Variants in OXR1 observed in about 807,000 individuals in gnomAD.
The protein encoded by OXR1 is oxidation resistance protein 1.
OXR1 carries 41 observed loss-of-function variants against 104.6 expected under a neutral mutation model. The ratio of observed to expected loss-of-function variants is 0.39; its 90% CI spans 0.31 to 0.51. OXR1 has a LOEUF of 0.51. OXR1 is among the 20% of genes least tolerant of loss of function. The pLI is 0.77. For synonymous variants in OXR1, 348 were observed against 348.4 expected (o/e 1.00, Z 0.01); for missense variants, 955 against 1,031.9 (o/e 0.93, Z 1.02).
chr8:106,492,550 T>C (rs1471794509), intron 2 of OXR1, among the ~76,000 whole-genome samples: 2 of 152,196 alleles, frequency 1.3e-5, no homozygotes, highest in African/African-American at 4.8e-5. Context: ...TAGGAGCTAC[T>C]TGAAGGTCAC....
intron 3 of OXR1, among the ~76,000 whole-genome samples, chr8:106,595,502 A>G (rs1819448757): frequency 6.7e-6 from 1 of 148,550 alleles, no homozygotes; most frequent in Non-Finnish European, 1.5e-5. Context: ...GTGAGCTGAG[A>G]CTGCACCACT....
chr8:106,651,898 G>A (rs537400578), intron 3 of OXR1, among the ~76,000 whole-genome samples: 11 of 152,066 alleles, frequency 7.2e-5, no homozygotes, highest in Admixed American at 6.5e-4. Flanking sequence ...TATATGGGAT[G>A]TCTTTCCATT....
intron 3 of OXR1, among the ~76,000 whole-genome samples, chr8:106,547,781 T>G (rs749461345): frequency 6.6e-6 from 1 of 152,112 alleles, no homozygotes; most frequent in Non-Finnish European, 1.5e-5. Context: ...GGGATTACGG[T>G]TGTGAGCCAC....
chr8:106,568,156 C>A (rs1817215521), intron 3 of OXR1, among the ~76,000 whole-genome samples: 1 of 152,124 alleles, frequency 6.6e-6, no homozygotes, highest in South Asian at 2.1e-4. Flanking sequence ...AAGGAAGACT[C>A]ATTTCAGACT....
chr8:106,334,467 T>C (rs1310381476), intron 1 of OXR1, among the ~76,000 whole-genome samples: 1 of 152,232 alleles, frequency 6.6e-6, no homozygotes, highest in East Asian at 1.9e-4. Context: ...GCCTCCAGAA[T>C]AGAAGTGGTT....
intron 1 of OXR1, among the ~76,000 whole-genome samples, chr8:106,317,488 A>G (rs1170660277): frequency 6.6e-6 from 1 of 152,208 alleles, no homozygotes; most frequent in Non-Finnish European, 1.5e-5. Flanking sequence ...GTATGAGCCC[A>G]TTACTTTGTT....
intron 1 of OXR1, among the ~76,000 whole-genome samples, chr8:106,283,386 G>A (rs1251138489): frequency 6.6e-6 from 1 of 152,138 alleles, no homozygotes; most frequent in Non-Finnish European, 1.5e-5. Context: ...AATCTGTTGG[G>A]TTCAACCTCA....
chr8:106,395,720 C>T lies in OXR1; in HGVS notation c.23+36084C>T, dbSNP rs77337207. On this transcript the variant is annotated intron_variant, in intron 2 of 16. Transcript: ENST00000517566. ...TACATCTATTTCCTAGGTCTGTCTA[C>T]CAAGAGGGCCAAGAAGCAATGATAC... Among the ~76,000 whole-genome samples the T allele has an allele frequency of 7.0e-3, 1,062 of 152,100 alleles. 13 individuals carry two copies. The highest frequency in any genetic ancestry group is 0.023 in the African/African-American group (968 of 41,494).
intron 2 of OXR1, among the ~76,000 whole-genome samples, chr8:106,485,330 T>C (rs1007542511): frequency 1.3e-5 from 2 of 152,132 alleles, no homozygotes; most frequent in African/African-American, 2.4e-5. Flanking sequence ...TGCATTATTA[T>C]GATGTGTTAG....
intron 3 of OXR1, among the ~76,000 whole-genome samples, chr8:106,586,353 C>T (rs1586851655): frequency 6.6e-6 from 1 of 152,274 alleles, no homozygotes; most frequent in East Asian, 1.9e-4. Flanking sequence ...ACAAACAAAG[C>T]AGTCATGTAT....
intron 2 of OXR1, among the ~76,000 whole-genome samples, chr8:106,473,835 A>G (rs1445817287): frequency 1.3e-5 from 2 of 148,446 alleles, no homozygotes; most frequent in African/African-American, 4.9e-5. Flanking sequence ...ATTTTCTTTC[A>G]TATTCTGTCT....
chr8:106,517,256 G>A (rs1812918305), intron 2 of OXR1, among the ~76,000 whole-genome samples: 1 of 152,124 alleles, frequency 6.6e-6, no homozygotes, highest in Non-Finnish European at 1.5e-5. Flanking sequence ...TACTGCTTGT[G>A]TTTGGACTTA....
chr8:106,488,904 C>T (rs569768420), intron 2 of OXR1, among the ~76,000 whole-genome samples: 3 of 151,752 alleles, frequency 2.0e-5, no homozygotes, highest in South Asian at 2.1e-4. Flanking sequence ...CTTGGGGATG[C>T]GGGCTCTTTT....
chr8:106,656,026 A>T (rs1341101310), intron 3 of OXR1: 2 of 152,202 alleles, frequency 1.3e-5, no homozygotes, highest in African/African-American at 4.8e-5. Context: ...AATTTTTAGA[A>T]GATGTAAAAC....
At chr8:106,313,407 G>A (rs2130141650) in intron 1 of OXR1, among the ~76,000 whole-genome samples, 1 of 152,256 alleles carries the variant, frequency 6.6e-6, no homozygotes, top group African/African-American at 2.4e-5. Context: ...CTGTCCTGTA[G>A]TAGATTTTAG....
intron 6 of OXR1, among the ~76,000 whole-genome samples, chr8:106,689,194 G>A (rs1057376454): frequency 1.1e-4 from 17 of 152,038 alleles, no homozygotes; most frequent in Admixed American, 9.2e-4. Context: ...TTGTAGAGGA[G>A]AATCATTTCT....
intron 2 of OXR1, among the ~76,000 whole-genome samples, chr8:106,517,907 G>C (rs962579387): frequency 6.6e-6 from 1 of 152,130 alleles, no homozygotes; most frequent in African/African-American, 2.4e-5. Flanking sequence ...AGCTTTTGCT[G>C]TGGAAAATTC....
intron 3 of OXR1, among the ~76,000 whole-genome samples, chr8:106,543,352 T>A (rs1815105830): frequency 6.6e-6 from 1 of 152,054 alleles, no homozygotes; most frequent in African/African-American, 2.4e-5. Flanking sequence ...GGGTTAGAGG[T>A]TAATGATTCT....
chr8:106,672,516 AAGAGAGAG>A (rs67500143), intron 3 of OXR1, among the ~76,000 whole-genome samples: 16 of 146,030 alleles, frequency 1.1e-4, no homozygotes, highest in Admixed American at 4.2e-4. Flanking sequence ...GAAAGAAAGA[AAGAGAGAG>A]AGAGAGAGAA....
Sources: gnomAD v4.1 joint callset for allele counts (sites outside exome capture counted in the v4.1 genomes callset) on GRCh38, gnomAD v4.1.1 for gene constraint, MANE v1.5 for transcripts, NCBI Gene and HGNC (gene_info 2026-07-23, HGNC 2026-07-21) for gene names.